Variants in NTRK3 observed in about 807,000 individuals in gnomAD.
The protein encoded by NTRK3 is neurotrophic receptor tyrosine kinase 3, also known as NT-3 growth factor receptor.
Under a neutral mutation model 91.7 loss-of-function variants are expected in NTRK3, and 24 were observed. The ratio of observed to expected loss-of-function variants is 0.26; its 90% CI spans 0.19 to 0.37. The LOEUF is 0.37. Among genes scored for constraint, NTRK3 ranks in the 10% least tolerant of loss-of-function variants. NTRK3 has a pLI of 1.00. For missense variants in NTRK3, 880 were observed against 1,068.9 expected, an observed-to-expected ratio of 0.82 and a Z score of 2.46; for synonymous variants, 483 against 404.0, an observed-to-expected ratio of 1.20 and a Z score of -2.34.
At chr15:87,991,901 C>T (rs2075315386) in intron 14 of NTRK3, among the ~76,000 whole-genome samples, 1 of 151,730 alleles carries the variant, frequency 6.6e-6, no homozygotes, top group Non-Finnish European at 1.5e-5. Context: ...CTTTGTCTAT[C>T]TCCCAGATGC....
Position 88,183,408 on chromosome 15 carries a change from C to T in NTRK3, c.395+10G>A. ...TGTGCCCCCAATCCCTGCAGCCCAG[C>T]TCTACTCACATATAACGCAAATGGG... On this transcript the variant is annotated intron_variant, in intron 5 of 18. Transcript: ENST00000394480. 2.5e-6 allele frequency: 4 copies of T among 1,613,952 alleles called. No homozygotes were observed. The highest frequency in any genetic ancestry group is 3.4e-6 in the Non-Finnish European group (4 of 1,179,856).
intron 6 of NTRK3, among the ~76,000 whole-genome samples, chr15:88,146,583 T>C (rs974152276): frequency 1.3e-5 from 2 of 152,218 alleles, no homozygotes; most frequent in African/African-American, 4.8e-5. Flanking sequence ...ACATGAGTTA[T>C]TTTTTCCAGC....
chr15:87,973,221 G>T (rs2141287539), intron 14 of NTRK3, among the ~76,000 whole-genome samples: 1 of 152,252 alleles, frequency 6.6e-6, no homozygotes, highest in African/African-American at 2.4e-5. Context: ...ACAGAGGGGT[G>T]TTAGACCTTA....
intron 14 of NTRK3, among the ~76,000 whole-genome samples, chr15:88,019,338 G>A (rs898283626): frequency 6.6e-6 from 1 of 152,202 alleles, no homozygotes; most frequent in Non-Finnish European, 1.5e-5. Flanking sequence ...GGAGACCTGG[G>A]TGGCAGGTAC....
At chr15:88,130,935 G>A (rs147353632) in intron 10 of NTRK3, among the ~76,000 whole-genome samples, 1,532 of 152,336 alleles carry the variant, frequency 0.01, 12 homozygotes, top group Middle Eastern at 0.017. Context: ...ATCGTGGTTA[G>A]GTAAGATGTT....
exon 3 of NTRK3, chr15:88,256,059 C>T: frequency 6.2e-7 from 1 of 1,613,276 alleles, no homozygotes; most frequent in Non-Finnish European, 8.5e-7. Context: ...ATTTGCAGGG[C>T]AAGCCAGCAC....
intron 13 of NTRK3, among the ~76,000 whole-genome samples, chr15:88,093,386 A>C (rs139277188): frequency 6.6e-6 from 1 of 152,180 alleles, no homozygotes; most frequent in Non-Finnish European, 1.5e-5. Flanking sequence ...ATTAGAAAGC[A>C]GGAAGGGGAG....
chr15:88,228,668 T>C (rs1351851245), intron 3 of NTRK3, among the ~76,000 whole-genome samples: 1 of 152,168 alleles, frequency 6.6e-6, no homozygotes, highest in African/African-American at 2.4e-5. Flanking sequence ...GTATTATAGT[T>C]GTCTATTGGG....
intron 7 of NTRK3, 46 bp from the exon 8 acceptor site, chr15:88,136,655 A>G (rs1317182238): frequency 6.3e-7 from 1 of 1,593,282 alleles, no homozygotes; most frequent in Non-Finnish European, 8.5e-7. Context: ...AACACTTACT[A>G]CCCAAAGGAA....
At chr15:88,167,688 A>G (rs778678061) in intron 5 of NTRK3, among the ~76,000 whole-genome samples, 8 of 152,164 alleles carry the variant, frequency 5.3e-5, no homozygotes, top group Non-Finnish European at 1.2e-4. Context: ...AGAACAACAC[A>G]TCACATGGTA....
intron 14 of NTRK3, among the ~76,000 whole-genome samples, chr15:87,972,962 T>C (rs527831782): frequency 6.6e-6 from 1 of 152,274 alleles, no homozygotes; most frequent in African/African-American, 2.4e-5. Context: ...CTCCTGTCTT[T>C]CTTGTTCCCT....
intron 13 of NTRK3, among the ~76,000 whole-genome samples, chr15:88,083,446 T>C (rs1305189217): frequency 6.6e-6 from 1 of 152,158 alleles, no homozygotes; most frequent in Non-Finnish European, 1.5e-5. Context: ...GTTCTCAAAC[T>C]CCTGACCTCA....
At chr15:87,974,009 C>T (rs1045267700) in intron 14 of NTRK3, among the ~76,000 whole-genome samples, 3 of 152,192 alleles carry the variant, frequency 2.0e-5, no homozygotes, top group African/African-American at 4.8e-5. Context: ...ACAATGAAGT[C>T]GTCCTGCATT....
At chr15:88,175,090 G>C (rs146428283) in intron 5 of NTRK3, among the ~76,000 whole-genome samples, 2 of 152,218 alleles carry the variant, frequency 1.3e-5, no homozygotes, top group Non-Finnish European at 2.9e-5. Flanking sequence ...TGCACCCCCA[G>C]TAGCCTATCT....
intron 13 of NTRK3, among the ~76,000 whole-genome samples, chr15:88,047,833 T>A (rs1481438405): frequency 2.0e-5 from 3 of 152,178 alleles, no homozygotes; most frequent in Non-Finnish European, 4.4e-5. Context: ...GTAGTAAGCC[T>A]GATAAAAAGT....
chr15:87,960,154 C>G (rs1354931162), intron 14 of NTRK3, among the ~76,000 whole-genome samples: 1 of 152,170 alleles, frequency 6.6e-6, no homozygotes, highest in Non-Finnish European at 1.5e-5. Flanking sequence ...GGTCCCTCCT[C>G]GAACAAGACT....
intron 14 of NTRK3, among the ~76,000 whole-genome samples, chr15:88,004,540 G>T (rs1269464586): frequency 1.3e-5 from 2 of 152,014 alleles, no homozygotes; most frequent in African/African-American, 4.8e-5. Flanking sequence ...ATACCAACAT[G>T]TTGCCAAGCA....
At chr15:88,008,467 C>T (rs1018085818) in intron 14 of NTRK3, among the ~76,000 whole-genome samples, 23 of 151,968 alleles carry the variant, frequency 1.5e-4, no homozygotes, top group South Asian at 2.1e-4. Flanking sequence ...CCAGGATCTC[C>T]GAGGTTCTTG....
At chr15:87,880,359 T>C (rs759750049) in exon 18 of NTRK3, 3 of 1,614,178 alleles carry the variant, frequency 1.9e-6, no homozygotes, top group East Asian at 4.5e-5. Flanking sequence ...TCACTCTCTG[T>C]AGTGAACTTC....
Sources: gnomAD v4.1 joint callset for allele counts (sites outside exome capture counted in the v4.1 genomes callset) on GRCh38, gnomAD v4.1.1 for gene constraint, MANE v1.5 for transcripts, NCBI Gene and HGNC (gene_info 2026-07-23, HGNC 2026-07-21) for gene names.